The following SAMD12 variants were observed in gnomAD, a reference collection of about 807,000 sequenced individuals.
SAMD12 encodes the protein sterile alpha motif domain containing 12.
A neutral mutation model predicts 15.0 loss-of-function variants in SAMD12; 9 were observed. The ratio of observed to expected loss-of-function variants is 0.60; its 90% confidence interval spans 0.36 to 1.05. The LOEUF (loss-of-function observed/expected upper bound fraction) is 1.05. Among genes scored for constraint, SAMD12 ranks in the 50% least tolerant of loss-of-function variants. The pLI is 0.01. For missense variants in SAMD12, 230 were observed against 234.2 expected, an observed-to-expected ratio of 0.98 and a Z score of 0.12; for synonymous variants, 86 against 90.1, an observed-to-expected ratio of 0.96 and a Z score of 0.25.
At chr8:118,432,344 G>C (rs1822441336) in intron 3 of SAMD12, among the ~76,000 whole-genome samples, 1 of 152,120 alleles carries the variant, frequency 6.6e-6, no homozygotes, top group Non-Finnish European at 1.5e-5. Flanking sequence ...GTTGTATTCA[G>C]TAATAGGAAC....
intron 3 of SAMD12, among the ~76,000 whole-genome samples, chr8:118,397,039 A>G (rs764490132): frequency 1.3e-5 from 2 of 152,228 alleles, no homozygotes; most frequent in Non-Finnish European, 2.9e-5. Flanking sequence ...AAGGACGAGG[A>G]AAAAGAACAA....
intron 4 of SAMD12, among the ~76,000 whole-genome samples, chr8:118,363,670 C>T (rs866168618): frequency 1.8e-4 from 28 of 152,294 alleles, no homozygotes; most frequent in South Asian, 6.2e-4. Context: ...GACTTCTCAG[C>T]CTCCATAATA....
intron 2 of SAMD12, among the ~76,000 whole-genome samples, chr8:118,533,362 A>C (rs1331592345): frequency 6.6e-6 from 1 of 152,194 alleles, no homozygotes; most frequent in Non-Finnish European, 1.5e-5. Context: ...ACTTCCAACT[A>C]TGTGGTCAAT....
At chr8:118,348,436 C>T (rs772191250) in intron 4 of SAMD12, among the ~76,000 whole-genome samples, 3 of 151,194 alleles carry the variant, frequency 2.0e-5, no homozygotes, top group Non-Finnish European at 2.9e-5. Context: ...AGTGGTGTGA[C>T]GTCCGCTCAC....
At chr8:118,263,381 T>G (rs183630345) in intron 4 of SAMD12, among the ~76,000 whole-genome samples, 7 of 152,134 alleles carry the variant, frequency 4.6e-5, no homozygotes, top group African/African-American at 1.7e-4. Context: ...GAAAATCAGG[T>G]GCTTTTAGGG....
intron 3 of SAMD12, among the ~76,000 whole-genome samples, chr8:118,382,814 G>A (rs2130723273): frequency 6.6e-6 from 1 of 152,244 alleles, no homozygotes; most frequent in East Asian, 1.9e-4. Context: ...TAGTTTTCAA[G>A]AAAGATTAAG....
intron 2 of SAMD12, among the ~76,000 whole-genome samples, chr8:118,543,915 C>A (rs1185991544): frequency 6.6e-6 from 1 of 152,096 alleles, no homozygotes; most frequent in Non-Finnish European, 1.5e-5. Flanking sequence ...TGCCAAATAA[C>A]CGGGGCTAAA....
chr8:118,504,970 A>C (rs1824883249), intron 2 of SAMD12, among the ~76,000 whole-genome samples: 1 of 152,208 alleles, frequency 6.6e-6, no homozygotes, highest in African/African-American at 2.4e-5. Context: ...TGCTATTTCT[A>C]AAAGTTTTAG....
chr8:118,425,385 A>G (rs921473235), intron 3 of SAMD12, among the ~76,000 whole-genome samples: 1 of 152,228 alleles, frequency 6.6e-6, no homozygotes, highest in African/African-American at 2.4e-5. Context: ...TCAATAAAAA[A>G]GAAATCAGAG....
At chr8:118,249,088 T>C (rs1812762365) in intron 4 of SAMD12, among the ~76,000 whole-genome samples, 1 of 152,142 alleles carries the variant, frequency 6.6e-6, no homozygotes, top group Non-Finnish European at 1.5e-5. Context: ...ATTTAAATCA[T>C]CTCTAGATTA....
chr8:118,498,307 G>T (rs975099401), intron 2 of SAMD12, among the ~76,000 whole-genome samples: 18 of 152,096 alleles, frequency 1.2e-4, no homozygotes, highest in Admixed American at 1.1e-3. Flanking sequence ...CATTATTATG[G>T]TATAAAAAAT....
chr8:118,151,663 C>T, the SAMD12 span, among the ~76,000 whole-genome samples: 1 of 151,576 alleles, frequency 6.6e-6, no homozygotes, highest in Non-Finnish European at 1.5e-5. Context: ...CTCATCTCTA[C>T]TAAAAATACA....
At chr8:118,615,905 G>A (rs1040708475) in intron 1 of SAMD12, among the ~76,000 whole-genome samples, 1 of 152,176 alleles carries the variant, frequency 6.6e-6, no homozygotes, top group Admixed American at 6.5e-5. Context: ...AGATGGGGGT[G>A]GCAGGAACTG....
At chr8:118,527,976 T>C (rs115171816) in intron 2 of SAMD12, among the ~76,000 whole-genome samples, 18 of 152,216 alleles carry the variant, frequency 1.2e-4, no homozygotes, top group Admixed American at 8.5e-4. Flanking sequence ...GATTAGCTGA[T>C]ATTTTTAATC....
chr8:118,354,592 A>T (rs911399678), intron 4 of SAMD12, among the ~76,000 whole-genome samples: 1 of 152,194 alleles, frequency 6.6e-6, no homozygotes, highest in Admixed American at 6.5e-5. Flanking sequence ...GGTTATTCAC[A>T]TTAAAATAAA....
intron 2 of SAMD12, among the ~76,000 whole-genome samples, chr8:118,500,266 C>T (rs1343464710): frequency 2.6e-5 from 4 of 151,246 alleles, no homozygotes; most frequent in Non-Finnish European, 5.9e-5. Context: ...TTAGTAGAGA[C>T]GGGGTTTCTC....
intron 1 of SAMD12, among the ~76,000 whole-genome samples, chr8:118,595,053 G>C (rs1827690527): frequency 6.6e-6 from 1 of 152,158 alleles, no homozygotes; most frequent in Non-Finnish European, 1.5e-5. Context: ...GGGGCCATCA[G>C]AGAAGATACA....
chr8:118,368,148 CACA>C (rs2130667402), intron 4 of SAMD12, among the ~76,000 whole-genome samples: 1 of 152,168 alleles, frequency 6.6e-6, no homozygotes, highest in South Asian at 2.1e-4. Flanking sequence ...TATTCCTGGC[CACA>C]ACATTTCTGC....
At position 118,284,184 on chromosome 8, in the gene SAMD12, C is replaced by A; in HGVS notation, c.434-86452G>T. ...AACCCCGATGGCCACTTTTTGCCCA[C>A]CTTAATGATAAAATGAAGAAAGCTC... On this transcript the variant is annotated intron_variant, in intron 4 of 4. Coordinates refer to the SAMD12 transcript ENST00000409003. 2 of 430,498 alleles carry A rather than the reference C, an allele frequency of 4.6e-6. 1 individual carries two copies. The highest frequency in any genetic ancestry group is 3.4e-5 in the South Asian group (2 of 59,568). The allele number at this position is 430,498 out of a possible 1,614,324, so 26.7% of individuals were successfully genotyped here.
Sources: allele counts gnomAD v4.1 joint callset (sites outside exome capture counted in the v4.1 genomes callset), GRCh38; gene constraint gnomAD v4.1.1; transcripts MANE v1.5; gene names NCBI Gene and HGNC (gene_info 2026-07-23, HGNC 2026-07-21).